INPP4B: variants seen among roughly 807,000 people sequenced by gnomAD.
INPP4B encodes the protein inositol polyphosphate 4-phosphatase type II.
In INPP4B, 55 loss-of-function variants were observed where a neutral mutation model predicts 122.5. That is an observed-to-expected ratio of 0.45 (90% CI 0.36 to 0.56). The LOEUF (loss-of-function observed/expected upper bound fraction) is 0.56, where lower values mean the gene tolerates loss of function less well. INPP4B is among the 20% of genes least tolerant of loss of function. The pLI is 0.00. For synonymous variants in INPP4B, 403 were observed against 388.7 expected, an observed-to-expected ratio of 1.04 and a Z score of -0.43; for missense variants, 1,000 against 1,097.7, an observed-to-expected ratio of 0.91 and a Z score of 1.26.
chr4:142,336,184 C>T (rs1776506433), intron 7 of INPP4B, among the ~76,000 whole-genome samples: 1 of 152,236 alleles, frequency 6.6e-6, no homozygotes. Flanking sequence ...CTCTGCCTTG[C>T]TCACTCTCTG....
intron 12 of INPP4B, among the ~76,000 whole-genome samples, chr4:142,222,716 C>T (rs1849854854): frequency 6.6e-6 from 1 of 152,192 alleles, no homozygotes; most frequent in Non-Finnish European, 1.5e-5. Context: ...GCTCCAAACA[C>T]ACCAGCTTTC....
intron 2 of INPP4B, among the ~76,000 whole-genome samples, chr4:142,715,261 C>T (rs756041322): frequency 3.9e-5 from 6 of 152,148 alleles, no homozygotes; most frequent in Admixed American, 6.6e-5. Context: ...TTAAAATGCT[C>T]TATAATGTTG....
At chr4:142,584,022 T>C (rs1394083296) in intron 2 of INPP4B, among the ~76,000 whole-genome samples, 4 of 152,056 alleles carry the variant, frequency 2.6e-5, no homozygotes, top group African/African-American at 4.8e-5. Context: ...TAGAAACCTA[T>C]GGGGGAAAAG....
intron 1 of INPP4B, among the ~76,000 whole-genome samples, chr4:142,794,049 T>C (rs1380905594): frequency 1.3e-5 from 2 of 152,066 alleles, no homozygotes; most frequent in African/African-American, 2.4e-5. Context: ...GTGATAGTGT[T>C]GGTATCTATC....
intron 2 of INPP4B, among the ~76,000 whole-genome samples, chr4:142,552,234 G>A (rs77926800): frequency 0.054 from 8,143 of 152,202 alleles, 264 homozygotes; most frequent in Admixed American, 0.062. Context: ...TTTGATGTGC[G>A]TGTGAATCAA....
At chr4:142,589,519 TG>T (rs1194865206) in intron 2 of INPP4B, among the ~76,000 whole-genome samples, 2 of 152,162 alleles carry the variant, frequency 1.3e-5, no homozygotes, top group East Asian at 1.9e-4. Flanking sequence ...AAACAGCATA[TG>T]AAAAACTGAT....
chr4:142,803,649 T>TAAAAAAAAAAAAA (rs34262906), intron 1 of INPP4B, among the ~76,000 whole-genome samples: 2 of 138,928 alleles, frequency 1.4e-5, no homozygotes, highest in Non-Finnish European at 3.1e-5. Context: ...CAATAAAACT[T>TAAAAAAAAAAAAA]AAAAAAAAAA....
intron 2 of INPP4B, among the ~76,000 whole-genome samples, chr4:142,559,909 T>C (rs1182442015): frequency 1.3e-5 from 2 of 150,522 alleles, no homozygotes; most frequent in East Asian, 2.0e-4. Context: ...ACTCATGAAA[T>C]AGTTTTTATA....
chr4:142,505,220 CAG>C (rs1208705733), intron 2 of INPP4B, among the ~76,000 whole-genome samples: 1 of 145,770 alleles, frequency 6.9e-6, no homozygotes, highest in South Asian at 2.2e-4. Flanking sequence ...GCCTGGGTGA[CAG>C]AGAGAGACTC....
chr4:142,322,853 T>G lies in INPP4B; in HGVS notation c.373-8091A>C, dbSNP rs142404166. ...TTCACAGGTCACACCCCAGAATAAT[T>G]AAATCAGAATGTCCAAGGGAAGGAC... On this transcript the variant is annotated intron_variant, in intron 7 of 25. Transcript: ENST00000262992. Among the ~76,000 whole-genome samples, 1,182 of 152,314 alleles carry G rather than the reference T, an allele frequency of 7.8e-3. 16 individuals carry two copies. Among genetic ancestry groups the G allele is most frequent in the African/African-American group, 0.027 (1,112 of 41,546 alleles).
At chr4:142,646,558 CA>C (rs1751829343) in intron 2 of INPP4B, among the ~76,000 whole-genome samples, 1 of 152,136 alleles carries the variant, frequency 6.6e-6, no homozygotes, top group Admixed American at 6.6e-5. Flanking sequence ...AGAATGTTGA[CA>C]CTTTCAGACA....
chr4:142,466,255 G>A (rs531047192), intron 2 of INPP4B, among the ~76,000 whole-genome samples: 3 of 152,160 alleles, frequency 2.0e-5, no homozygotes, highest in Non-Finnish European at 4.4e-5. Flanking sequence ...AGACAGTGAT[G>A]TCCAGGCTGA....
chr4:142,041,798 T>C (rs112146822), intron 25 of INPP4B, among the ~76,000 whole-genome samples: 4 of 152,300 alleles, frequency 2.6e-5, no homozygotes, highest in African/African-American at 9.6e-5. Context: ...TTTTATTTAG[T>C]TCAAACAAAC....
intron 2 of INPP4B, among the ~76,000 whole-genome samples, chr4:142,507,546 G>A (rs1824180428): frequency 6.6e-6 from 1 of 151,860 alleles, no homozygotes. Flanking sequence ...CCTACTACGT[G>A]TCAGGCCTTG....
intron 1 of INPP4B, among the ~76,000 whole-genome samples, chr4:142,780,324 G>A (rs1383868774): frequency 2.0e-5 from 3 of 152,010 alleles, no homozygotes; most frequent in Non-Finnish European, 4.4e-5. Flanking sequence ...TTTAATATCA[G>A]AGGAAATTGA....
At chr4:142,082,505 A>G (rs886586436) in intron 24 of INPP4B, among the ~76,000 whole-genome samples, 1 of 152,226 alleles carries the variant, frequency 6.6e-6, no homozygotes, top group Non-Finnish European at 1.5e-5. Context: ...GGACAATGCT[A>G]AACTAATCCC....
chr4:142,124,480 G>T, intron 19 of INPP4B, 108 bp downstream of exon 19: 1 of 1,012,504 alleles, frequency 9.9e-7, no homozygotes, highest in Non-Finnish European at 1.5e-6. Flanking sequence ...AAACTTTAAG[G>T]ATCTTTTTAA....
chr4:142,153,385 G>T (rs1044334588), intron 17 of INPP4B, among the ~76,000 whole-genome samples: 1 of 152,124 alleles, frequency 6.6e-6, no homozygotes, highest in Admixed American at 6.5e-5. Flanking sequence ...CTTTCTGTTT[G>T]GGAAACAATA....
At chr4:142,405,353 A>C in intron 5 of INPP4B, 29 bp from the exon 6 acceptor site, 1 of 1,329,024 alleles carries the variant, frequency 7.5e-7, no homozygotes, top group Non-Finnish European at 1.1e-6. Context: ...ACAGAAAGAA[A>C]AGAAACTAAC....
Sources: allele counts gnomAD v4.1 joint callset (sites outside exome capture counted in the v4.1 genomes callset), GRCh38; gene constraint gnomAD v4.1.1; transcripts MANE v1.5; gene names NCBI Gene and HGNC (gene_info 2026-07-23, HGNC 2026-07-21).